The following TAS2R1 variants were observed in gnomAD, a reference collection of about 807,000 sequenced individuals.
TAS2R1 encodes the protein taste receptor type 2 member 1.
For synonymous variants in TAS2R1, 141 were observed against 134.2 expected, an observed-to-expected ratio of 1.05 and a Z score of -0.35; for missense variants, 370 against 353.4, an observed-to-expected ratio of 1.05 and a Z score of -0.38.
At chr5:9,770,878 C>T in the TAS2R1 span, among the ~76,000 whole-genome samples, 1 of 152,222 alleles carries the variant, frequency 6.6e-6, no homozygotes, top group East Asian at 1.9e-4. Context: ...AATTTGGTTT[C>T]CCTTTCTTTC....
At chr5:9,655,576 A>G (rs56991151) in intron 2 of TAS2R1, among the ~76,000 whole-genome samples, 6,953 of 152,246 alleles carry the variant, frequency 0.046, 498 homozygotes, top group African/African-American at 0.16. Context: ...GAAATATATA[A>G]GCCCCAAACA....
chr5:9,697,184 A>C (rs1205876937), intron 1 of TAS2R1, among the ~76,000 whole-genome samples: 12 of 152,146 alleles, frequency 7.9e-5, no homozygotes, highest in Non-Finnish European at 1.5e-4. Context: ...TGTTTAAAAA[A>C]AAAGACAACC....
the TAS2R1 span, among the ~76,000 whole-genome samples, chr5:9,750,099 G>A: frequency 6.6e-6 from 1 of 152,156 alleles, no homozygotes; most frequent in Admixed American, 6.6e-5. Flanking sequence ...GCACCAGCAG[G>A]AGATCCAAGG....
chr5:9,829,350 G>A, the TAS2R1 span, among the ~76,000 whole-genome samples: 1 of 152,162 alleles, frequency 6.6e-6, no homozygotes, highest in African/African-American at 2.4e-5. Flanking sequence ...CATGGCAGGT[G>A]GGAGACACAG....
upstream of TAS2R1, among the ~76,000 whole-genome samples, chr5:9,715,923 C>A (rs1734802032): frequency 6.6e-6 from 1 of 152,152 alleles, no homozygotes; most frequent in South Asian, 2.1e-4. Flanking sequence ...ATACTTCAGC[C>A]TTCAGAGGCC....
At chr5:9,725,619 G>A in the TAS2R1 span, among the ~76,000 whole-genome samples, 1 of 151,360 alleles carries the variant, frequency 6.6e-6, no homozygotes, top group Admixed American at 6.6e-5. Flanking sequence ...ATCCGCCCCC[G>A]TGGGCTTCTG....
intron 1 of TAS2R1, among the ~76,000 whole-genome samples, chr5:9,711,039 C>G (rs1741725372): frequency 6.7e-6 from 1 of 149,178 alleles, no homozygotes. Flanking sequence ...GAATAGAAAC[C>G]CTTGTGCATT....
chr5:9,636,485 T>C (rs1739966784), intron 2 of TAS2R1, among the ~76,000 whole-genome samples: 1 of 152,150 alleles, frequency 6.6e-6, no homozygotes, highest in Non-Finnish European at 1.5e-5. Context: ...AAGTCCATTT[T>C]TTCTTTGTTG....
chr5:9,721,966 C>T, the TAS2R1 span, among the ~76,000 whole-genome samples: 1 of 152,234 alleles, frequency 6.6e-6, no homozygotes, highest in Non-Finnish European at 1.5e-5. Flanking sequence ...AGAAACCCTA[C>T]CTCCTTATAG....
intron 1 of TAS2R1, among the ~76,000 whole-genome samples, chr5:9,685,215 G>GA (rs1430104188): frequency 2.0e-5 from 3 of 152,170 alleles, no homozygotes; most frequent in Non-Finnish European, 4.4e-5. Context: ...CTTTATTGAT[G>GA]AAAGTGCTGG....
At chr5:9,698,794 C>T (rs933661054) in intron 1 of TAS2R1, among the ~76,000 whole-genome samples, 2 of 152,122 alleles carry the variant, frequency 1.3e-5, no homozygotes, top group African/African-American at 2.4e-5. Context: ...CAATGAGATA[C>T]GGCCAAACAC....
chr5:9,719,932 AAAAAAAC>A, the TAS2R1 span, among the ~76,000 whole-genome samples: 2 of 140,884 alleles, frequency 1.4e-5, no homozygotes, highest in Non-Finnish European at 3.1e-5. Flanking sequence ...AAAAAAAAAA[AAAAAAAC>A]AAAAACAAAA....
chr5:9,725,409 G>A, the TAS2R1 span, among the ~76,000 whole-genome samples: 17 of 152,322 alleles, frequency 1.1e-4, no homozygotes, highest in African/African-American at 2.6e-4. Flanking sequence ...TGGAGCAGCC[G>A]GCTGGCCCTG....
intron 2 of TAS2R1, among the ~76,000 whole-genome samples, chr5:9,648,583 T>A (rs941272166): frequency 1.3e-4 from 20 of 151,908 alleles, no homozygotes; most frequent in African/African-American, 4.8e-4. Context: ...CCACATTCAT[T>A]CATACTGGGA....
chr5:9,842,449 T>C, the TAS2R1 span, among the ~76,000 whole-genome samples: 8,858 of 151,064 alleles, frequency 0.059, 634 homozygotes, highest in East Asian at 0.23. Flanking sequence ...GCCTCCAGAG[T>C]AGCTGGAACT....
the TAS2R1 span, among the ~76,000 whole-genome samples, chr5:9,794,698 G>A: frequency 1.3e-5 from 2 of 152,102 alleles, no homozygotes; most frequent in East Asian, 3.9e-4. Flanking sequence ...AGTCTTAACT[G>A]TTATATACCT....
At chr5:9,813,863 T>C in the TAS2R1 span, among the ~76,000 whole-genome samples, 1 of 152,230 alleles carries the variant, frequency 6.6e-6, no homozygotes, top group South Asian at 2.1e-4. Context: ...TCATCAATTC[T>C]AACTTGGTTT....
chr5:9,864,007 C>T, the TAS2R1 span, among the ~76,000 whole-genome samples: 17 of 152,306 alleles, frequency 1.1e-4, no homozygotes, highest in East Asian at 3.3e-3. Context: ...GAGCTTAGAC[C>T]AAACATGATT....
chr5:9,708,710 A>C (rs1741673308), intron 1 of TAS2R1, among the ~76,000 whole-genome samples: 1 of 152,100 alleles, frequency 6.6e-6, no homozygotes. Context: ...GTTTGGAGAT[A>C]AGGCCTTTCT....
Sources: gnomAD v4.1 joint callset for allele counts (sites outside exome capture counted in the v4.1 genomes callset) on GRCh38, gnomAD v4.1.1 for gene constraint, MANE v1.5 for transcripts, NCBI Gene and HGNC (gene_info 2026-07-23, HGNC 2026-07-21) for gene names.